NLGN1: variants seen among roughly 807,000 people sequenced by gnomAD.
NLGN1 encodes the protein neuroligin 1.
NLGN1 carries 12 observed loss-of-function variants against 65.5 expected under a neutral mutation model. The observed-to-expected ratio is 0.18, with a 90% CI of 0.12 to 0.30. The LOEUF (loss-of-function observed/expected upper bound fraction) is 0.30, where lower values mean the gene tolerates loss of function less well. Ranked by LOEUF, NLGN1 falls within the 10% of genes least tolerant of loss-of-function variation. The probability of loss-of-function intolerance (pLI) is 1.00; values close to 1 mark genes in which losing one functional copy is unlikely to be tolerated. For synonymous variants in NLGN1, 350 were observed against 359.5 expected, an observed-to-expected ratio of 0.97 and a Z score of 0.30; for missense variants, 750 against 1,007.1, an observed-to-expected ratio of 0.74 and a Z score of 3.46.
chr3:174,281,357 G>T, exon 7 of NLGN1: 1 of 1,161,844 alleles, frequency 8.6e-7, no homozygotes, highest in Non-Finnish European at 1.2e-6. Flanking sequence ...AACGATCACT[G>T]AAGATTCCTT....
intron 4 of NLGN1, among the ~76,000 whole-genome samples, chr3:173,960,974 T>C (rs375359210): frequency 2.6e-5 from 4 of 152,100 alleles, no homozygotes; most frequent in South Asian, 4.1e-4. Context: ...TGTTTTCACA[T>C]TGAATTTGAG....
At chr3:173,958,697 T>C (rs1184328955) in intron 4 of NLGN1, among the ~76,000 whole-genome samples, 2 of 152,136 alleles carry the variant, frequency 1.3e-5, no homozygotes, top group Non-Finnish European at 2.9e-5. Context: ...CTTCCCCAGC[T>C]TGAAGGTAGG....
At chr3:173,766,758 G>A (rs1411752278) in intron 3 of NLGN1, among the ~76,000 whole-genome samples, 4 of 152,106 alleles carry the variant, frequency 2.6e-5, no homozygotes, top group Non-Finnish European at 4.4e-5. Flanking sequence ...AATGAATATT[G>A]AAAGAAAGAA....
At chr3:173,951,709 C>A (rs956207281) in intron 4 of NLGN1, among the ~76,000 whole-genome samples, 4 of 152,108 alleles carry the variant, frequency 2.6e-5, no homozygotes, top group South Asian at 2.1e-4. Flanking sequence ...GTTCTGCACA[C>A]CTCGACCTCC....
intron 4 of NLGN1, among the ~76,000 whole-genome samples, chr3:174,225,879 C>A (rs1254671594): frequency 2.0e-5 from 3 of 152,000 alleles, no homozygotes; most frequent in Non-Finnish European, 4.4e-5. Context: ...TACAATTAAA[C>A]TCTAGAGTAG....
chr3:173,686,278 A>G (rs1332423621), intron 3 of NLGN1, among the ~76,000 whole-genome samples: 1 of 152,036 alleles, frequency 6.6e-6, no homozygotes, highest in Non-Finnish European at 1.5e-5. Flanking sequence ...ACTAAAAAAA[A>G]AAAAAATCAA....
chr3:173,422,309 A>G (rs1344156294), intron 1 of NLGN1, among the ~76,000 whole-genome samples: 1 of 152,202 alleles, frequency 6.6e-6, no homozygotes, highest in Non-Finnish European at 1.5e-5. Context: ...CATACGTGAG[A>G]GCTAAAAAGT....
intron 4 of NLGN1, among the ~76,000 whole-genome samples, chr3:173,944,609 A>G (rs576618925): frequency 6.6e-6 from 1 of 152,296 alleles, no homozygotes; most frequent in African/African-American, 2.4e-5. Flanking sequence ...AGAAAAAAGG[A>G]TGATTCCAAT....
intron 3 of NLGN1, among the ~76,000 whole-genome samples, chr3:173,671,500 C>G (rs936157686): frequency 6.6e-6 from 1 of 152,110 alleles, no homozygotes; most frequent in Non-Finnish European, 1.5e-5. Flanking sequence ...ATCATTTTAC[C>G]TTAACATGGT....
intron 3 of NLGN1, among the ~76,000 whole-genome samples, chr3:173,784,888 G>T (rs1486112338): frequency 1.3e-5 from 2 of 152,158 alleles, no homozygotes; most frequent in Non-Finnish European, 2.9e-5. Flanking sequence ...ATTAGGCAGA[G>T]TATCATACAT....
At chr3:174,149,815 T>C (rs763766657) in intron 4 of NLGN1, among the ~76,000 whole-genome samples, 3 of 152,054 alleles carry the variant, frequency 2.0e-5, no homozygotes, top group Non-Finnish European at 4.4e-5. Context: ...ATCACTGAGG[T>C]TGGGTATTAA....
chr3:173,448,498 A>T (rs1720819221), intron 2 of NLGN1, among the ~76,000 whole-genome samples: 1 of 152,212 alleles, frequency 6.6e-6, no homozygotes, highest in African/African-American at 2.4e-5. Flanking sequence ...ATCTATGTTC[A>T]TCAAGGATAT....
At chr3:173,400,417 C>G (rs1019569365) in intron 1 of NLGN1, among the ~76,000 whole-genome samples, 1 of 152,076 alleles carries the variant, frequency 6.6e-6, no homozygotes, top group African/African-American at 2.4e-5. Context: ...CCTCCTGGCC[C>G]CCCTTCTGAA....
chr3:173,923,940 C>T (rs1378951158), intron 4 of NLGN1, among the ~76,000 whole-genome samples: 1 of 152,088 alleles, frequency 6.6e-6, no homozygotes, highest in Non-Finnish European at 1.5e-5. Flanking sequence ...TAGAATAAAA[C>T]TTCTTCCATT....
intron 4 of NLGN1, among the ~76,000 whole-genome samples, chr3:174,044,866 T>C (rs949989458): frequency 2.0e-5 from 3 of 152,118 alleles, no homozygotes; most frequent in Non-Finnish European, 4.4e-5. Flanking sequence ...TCTCATGAGA[T>C]CCAATGATCT....
upstream of NLGN1, chr3:173,397,854 A>G (rs552410617): frequency 1.3e-5 from 2 of 152,094 alleles, no homozygotes; most frequent in East Asian, 3.9e-4. Context: ...GGCGAGTCGG[A>G]GTGGGTGATG....
chr3:174,073,391 G>C lies in NLGN1; in HGVS notation c.647-201924G>C, dbSNP rs958418277. 1.6e-4 allele frequency among the ~76,000 whole-genome samples: 24 copies of C among 151,834 alleles called. No individual in the cohort carries two copies. In the East Asian group the frequency reaches 1.7e-3, roughly 11 times the overall value. On this transcript the variant is annotated intron_variant, in intron 4 of 6. Coordinates refer to ENST00000457714, the Ensembl canonical transcript of NLGN1. ...ATAAAATTTCAGAATTTTGGCGGGG[G>C]GGCACTTTAGCATATGTAAATAGTT...
intron 2 of NLGN1, among the ~76,000 whole-genome samples, chr3:173,472,084 C>T (rs1442402228): frequency 2.0e-5 from 3 of 152,110 alleles, no homozygotes; most frequent in Admixed American, 1.3e-4. Flanking sequence ...ACTTGGGGAA[C>T]ATTCAATCCT....
intron 4 of NLGN1, among the ~76,000 whole-genome samples, chr3:174,092,498 A>C (rs1052408443): frequency 1.3e-5 from 2 of 151,704 alleles, no homozygotes; most frequent in Non-Finnish European, 2.9e-5. Flanking sequence ...TTGTCACAAC[A>C]ATTTGCCATT....
Sources: gnomAD v4.1 joint callset for allele counts (sites outside exome capture counted in the v4.1 genomes callset) on GRCh38, gnomAD v4.1.1 for gene constraint, MANE v1.5 for transcripts, NCBI Gene and HGNC (gene_info 2026-07-23, HGNC 2026-07-21) for gene names.